Variants in SERBP1 observed in about 807,000 individuals in gnomAD.
SERBP1 encodes the protein SERPINE1 mRNA-binding protein 1.
A neutral mutation model predicts 50.2 loss-of-function variants in SERBP1; 6 were observed. The ratio of observed to expected loss-of-function variants is 0.12; its 90% CI spans 0.07 to 0.24. The LOEUF is 0.24. Ranked by LOEUF, SERBP1 falls within the 10% of genes least tolerant of loss-of-function variation. The pLI is 1.00. For missense variants in SERBP1, 346 were observed against 524.9 expected (o/e 0.66, Z 3.33); for synonymous variants, 168 against 182.8 (o/e 0.92, Z 0.65).
intron 2 of SERBP1, 143 bp from the exon 3 acceptor site, chr1:67,425,366 G>A (rs1393012401): frequency 2.5e-6 from 2 of 789,102 alleles, no homozygotes; most frequent in Non-Finnish European, 1.9e-6. Flanking sequence ...ATTCAAAATA[G>A]TCTGTTTCTA....
In SERBP1 at chr1:67,411,293, G is replaced by C. The variant is rs1458337106; in HGVS notation, c.*1914C>G. ...TGAGAAGTTGTGTTTTGAGTAGCAG[G>C]TGTTTTCTATAGTATGTTGCTGGAA... On this transcript the variant is annotated 3_prime_UTR_variant, in exon 8 of 8. Coordinates refer to ENST00000361219, the MANE Select transcript of SERBP1 (RefSeq NM_001018069.2). The C allele has an allele frequency of 1.3e-5, 2 of 152,254 alleles. No individual in the cohort carries two copies. The highest frequency in any genetic ancestry group is 2.9e-5 in the Non-Finnish European group (2 of 68,006). 9.4% of individuals were successfully genotyped at this position (152,254 alleles called of 1,614,324 possible).
At chr1:67,417,972 T>G (rs973947243) in intron 6 of SERBP1, among the ~76,000 whole-genome samples, 3 of 6,670 alleles carry the variant, frequency 4.5e-4, no homozygotes, top group African/African-American at 6.5e-4. Context: ...TAAAGTGTTG[T>G]TTTTTTTTTT....
At chr1:67,426,425 T>G (rs1270442834) in intron 1 of SERBP1, 140 bp from the exon 2 acceptor site, 1 of 676,048 alleles carries the variant, frequency 1.5e-6, no homozygotes. Flanking sequence ...AACTCTAATG[T>G]GTAACAAAGT....
rs529277732 is a variant in SERBP1 at position 67,422,821 on chromosome 1, C to T, written c.773+1379G>A. ...CTAAAAATACAAAAAATTAGCTGGG[C>T]GTGGTGATGCATGCCTGTAATCCCA... On this transcript the variant is annotated intron_variant, in intron 5 of 7. Coordinates refer to ENST00000361219, the MANE Select transcript of SERBP1 (RefSeq NM_001018069.2). Among the ~76,000 whole-genome samples, 38 of 151,546 alleles carry T rather than the reference C, an allele frequency of 2.5e-4. No homozygotes were observed. The South Asian group carries it at 7.5e-3, about 30-fold the overall frequency.
chr1:67,410,302 T>C lies in SERBP1; in HGVS notation c.*2905A>G, dbSNP rs912679666. 3 of 152,186 alleles carry C rather than the reference T, an allele frequency of 2.0e-5. No individual in the cohort carries two copies. The highest frequency in any genetic ancestry group is 7.2e-5 in the African/African-American group (3 of 41,444). The allele number at this position is 152,186 out of a possible 1,614,324, so 9.4% of individuals were successfully genotyped here. On this transcript the variant is annotated 3_prime_UTR_variant, in exon 8 of 8. Coordinates refer to ENST00000361219, the MANE Select transcript of SERBP1 (RefSeq NM_001018069.2). ...ATCCAATACACATTTAGGCTTTGTA[T>C]GCAACTCCCTGTTCTATTTCAGTGC...
At chr1:67,424,083 C>A in intron 5 of SERBP1, 117 bp downstream of exon 5, 4 of 1,032,948 alleles carry the variant, frequency 3.9e-6, no homozygotes, top group South Asian at 2.0e-5. Context: ...CAGTAAGTCT[C>A]CCTTGTCAAA....
rs532537557 is a variant in SERBP1 at position 67,428,837 on chromosome 1, G to C, written c.313+1151C>G. ...GTTACAGAATTCAACTAAAGCTAAA[G>C]AGAAACAACTCCTTTCAGAGAAGCA... On this transcript the variant is annotated intron_variant, in intron 1 of 7. Transcript: ENST00000361219. Among the ~76,000 whole-genome samples the C allele has an allele frequency of 2.6e-5, 4 of 151,322 alleles. No homozygotes were observed. The South Asian group carries it at 6.3e-4, about 24-fold the overall frequency.
Position 67,415,353 on chromosome 1 carries a change from T to C in SERBP1, c.952-14A>G, listed in dbSNP as rs368135884. On this transcript the variant is annotated splice_polypyrimidine_tract_variant and intron_variant, in intron 6 of 7. Transcript: ENST00000361219. ...TTCAGCATGAGCCTAAAAATATAAG[T>C]GAAGATGATTGTGTTATTAGTAGAA... The C allele has an allele frequency of 2.8e-5, 43 of 1,548,900 alleles. No homozygotes were observed. The African/African-American group carries it at 4.9e-4, about 17-fold the overall frequency.
intron 2 of SERBP1, among the ~76,000 whole-genome samples, chr1:67,425,663 CAA>C (rs1446199094): frequency 2.0e-5 from 3 of 152,288 alleles, no homozygotes; most frequent in East Asian, 1.9e-4. Flanking sequence ...ATCAATTCAA[CAA>C]AGTGTTTCCA....
intron 2 of SERBP1, among the ~76,000 whole-genome samples, chr1:67,425,867 G>A (rs898320680): frequency 2.0e-5 from 3 of 152,146 alleles, no homozygotes; most frequent in Non-Finnish European, 4.4e-5. Flanking sequence ...TTTGGTTTAC[G>A]CCTGTAATCC....
At position 67,410,691 on chromosome 1, in the gene SERBP1, T is replaced by C. The variant is rs1666806993; in HGVS notation, c.*2516A>G. The C allele has an allele frequency of 6.6e-6, 1 of 152,200 alleles. No homozygotes were observed. The highest frequency in any genetic ancestry group is 1.5e-5 in the Non-Finnish European group (1 of 68,026). The allele number at this position is 152,200 out of a possible 1,614,324, so 9.4% of individuals were successfully genotyped here. On this transcript the variant is annotated 3_prime_UTR_variant, in exon 8 of 8. Transcript: ENST00000361219. ...CACCATTACTTTAGGAATCTTTATCTGTTTAGGGATTTTTCCCCTAGACTA... is the reference window on the plus strand; with the variant it reads ...CACCATTACTTTAGGAATCTTTATCCGTTTAGGGATTTTTCCCCTAGACTA...
intron 4 of SERBP1, 29 bp from the exon 5 acceptor site, chr1:67,424,306 T>A (rs564431754): frequency 1.2e-6 from 2 of 1,609,240 alleles, no homozygotes; most frequent in Admixed American, 3.4e-5. Context: ...TGTTTCTGAA[T>A]GTATTTGGGG....
In SERBP1 at chr1:67,415,150, G is replaced by A. The variant is rs1557500336; in HGVS notation, c.1125+16C>T. 6.4e-7 allele frequency: 1 copy of A among 1,557,084 alleles called. No homozygotes were observed. The highest frequency in any genetic ancestry group is 8.7e-7 in the Non-Finnish European group (1 of 1,155,066). On this transcript the variant is annotated intron_variant, in intron 7 of 7. Transcript: ENST00000361219. ...GTCCTTAAATTATGTAAAAGGAAAA[G>A]AAAGTCTTAAATTACCTTGTCGGTC...
rs146697711 is a variant in SERBP1, at chr1:67,424,214, T to C, written c.759A>G (p.Ala253=). The change falls in exon 5 of 8, where the codon GCA becomes GCG. Residue 253 remains alanine, a synonymous_variant. Coordinates refer to ENST00000361219, the MANE Select transcript of SERBP1 (RefSeq NM_001018069.2). ...TPEGEEHHPV[A]DTENKENEVE... is the part of the protein sequence containing the mutation. ...ATACCACTTACTTATTTTCAGTGTC[T>C]GCCACTGGATGATGTTCTTCACCTT... 29 of 1,611,116 alleles carry C rather than the reference T, an allele frequency of 1.8e-5. No homozygotes were observed. In the African/African-American group the frequency reaches 1.9e-4, roughly 10 times the overall value.
At chr1:67,417,125 T>C (rs1667037100) in intron 6 of SERBP1, 2 of 151,946 alleles carry the variant, frequency 1.3e-5, no homozygotes, top group South Asian at 4.2e-4. Flanking sequence ...CACGGGGAGG[T>C]TGAGGCTGCA....
chr1:67,413,719 CA>C (rs979231264), intron 7 of SERBP1, among the ~76,000 whole-genome samples: 1 of 151,462 alleles, frequency 6.6e-6, no homozygotes, highest in African/African-American at 2.4e-5. Context: ...TTATGGATCA[CA>C]AAAAAACTAC....
chr1:67,414,497 A>C (rs1666943357), intron 7 of SERBP1, among the ~76,000 whole-genome samples: 1 of 152,222 alleles, frequency 6.6e-6, no homozygotes, highest in African/African-American at 2.4e-5. Flanking sequence ...TAAGGTGTTG[A>C]GAATTTAGGA....
In SERBP1 at chr1:67,420,119, T is replaced by G; in HGVS notation, c.841A>C (p.Ile281Leu). Residue 281 changes from isoleucine to leucine, a missense_variant, in exon 6 of 8, where the codon ATT becomes CTT. Ile to Leu is a conservative substitution (Grantham distance 5). This residue lies in a region of SERBP1 where 257 missense variants were observed against 331.2 expected (regional missense o/e 0.78). Transcript: ENST00000361219. ...ACTTTTGCCCGGTCCTTATTTTGAA[T>G]AGCCTTCCACTCATCCAAAGTCATC... Reference protein sequence around the residue: ...KEMTLDEWKAIQNKDRAKVEF... With the variant: ...KEMTLDEWKALQNKDRAKVEF... 3 of 1,613,774 alleles carry G rather than the reference T, an allele frequency of 1.9e-6. No individual in the cohort carries two copies. Among genetic ancestry groups the G allele is most frequent in the Non-Finnish European group, 2.5e-6 (3 of 1,179,760 alleles).
chr1:67,426,298 G>C lies in SERBP1; in HGVS notation c.314-13C>G. On this transcript the variant is annotated splice_polypyrimidine_tract_variant and intron_variant, in intron 1 of 7. Transcript: ENST00000361219. Reference sequence around the variant, plus strand: ...ACTCGTCTTATTCCTAAAACGATAAGATAACCTGCATAAGCAAATTATTTT... The same window carrying C: ...ACTCGTCTTATTCCTAAAACGATAACATAACCTGCATAAGCAAATTATTTT... The C allele has an allele frequency of 6.4e-7, 1 of 1,570,620 alleles. No individual in the cohort carries two copies. Among genetic ancestry groups the C allele is most frequent in the Admixed American group, 2.0e-5 (1 of 50,962 alleles).
Sources: allele counts gnomAD v4.1 joint callset (sites outside exome capture counted in the v4.1 genomes callset), GRCh38; gene constraint gnomAD v4.1.1; regional missense constraint gnomAD v4.1.1; transcripts MANE v1.5; gene names NCBI Gene and HGNC (gene_info 2026-07-23, HGNC 2026-07-21).